Variants in RGS1 observed in about 807,000 individuals in gnomAD.
RGS1 encodes regulator of G protein signaling 1.
Under a neutral mutation model 22.2 loss-of-function variants are expected in RGS1, and 11 were observed. The ratio of observed to expected loss-of-function variants is 0.50; its 90% CI spans 0.31 to 0.82. RGS1 has a LOEUF of 0.82. Among genes scored for constraint, RGS1 ranks in the 40% least tolerant of loss-of-function variants. The pLI, the probability that RGS1 is intolerant of heterozygous loss-of-function variation, is 0.04. For synonymous variants in RGS1, 81 were observed against 79.9 expected (o/e 1.01, Z -0.07); for missense variants, 255 against 245.8 (o/e 1.04, Z -0.25).
chr1:192,577,658 T>C lies in RGS1; in HGVS notation c.281-564T>C, dbSNP rs41265197. On this transcript the variant is annotated intron_variant, in intron 3 of 4. Transcript: ENST00000367459. Reference sequence around the variant, plus strand: ...CTAGCTCAGCTGACTTTGTTTATAATTCAGCTAAACAAATAAATGGTATAG... The same window carrying C: ...CTAGCTCAGCTGACTTTGTTTATAACTCAGCTAAACAAATAAATGGTATAG... 1,114 of 154,022 alleles carry C rather than the reference T, an allele frequency of 7.2e-3. 10 individuals carry two copies. The highest frequency in any genetic ancestry group is 8.2e-3 in the Non-Finnish European group (570 of 69,174). The allele number at this position is 154,022 out of a possible 1,614,324, so 9.5% of individuals were successfully genotyped here.
In RGS1 at chr1:192,579,362, C is replaced by G. The variant is rs186196699; in HGVS notation, c.*40C>G. 11 of 1,595,880 alleles carry G rather than the reference C, an allele frequency of 6.9e-6. No individual in the cohort carries two copies. In the South Asian group the frequency reaches 1.2e-4, roughly 18 times the overall value. Reference sequence around the variant, plus strand: ...AAGGGAATTAACAGATAGTATCAAGCGCAGAAGGAATGTGCCAGTATGGCT... The same window carrying G: ...AAGGGAATTAACAGATAGTATCAAGGGCAGAAGGAATGTGCCAGTATGGCT... On this transcript the variant is annotated 3_prime_UTR_variant, in exon 5 of 5. Coordinates refer to ENST00000367459, the MANE Select transcript of RGS1 (RefSeq NM_002922.4).
intron 3 of RGS1, chr1:192,577,134 A>C (rs545380345): frequency 3.5e-6 from 1 of 288,026 alleles, no homozygotes; most frequent in African/African-American, 2.2e-5. Context: ...AAGTAAGCCA[A>C]ATATTTTAAT....
In RGS1 at chr1:192,576,435, C is replaced by T. The variant is rs573246885; in HGVS notation, c.218+70C>T. ...AAGCCTATGCATTATCTCTATATCC[C>T]AGCAAGGGATAAATACTGCGCACAG... On this transcript the variant is annotated intron_variant, in intron 2 of 4. Transcript: ENST00000367459. 1.8e-5 allele frequency: 20 copies of T among 1,139,802 alleles called. No individual in the cohort carries two copies. The Admixed American group carries it at 2.2e-4, about 13-fold the overall frequency. The allele number at this position is 1,139,802 out of a possible 1,614,324, so 70.6% of individuals were successfully genotyped here.
chr1:192,579,427 AGG>A lies in RGS1; in HGVS notation c.*106_*107del. 1.0e-6 allele frequency: 1 copy of A among 987,576 alleles called. No individual in the cohort carries two copies. Among genetic ancestry groups the A allele is most frequent in the Non-Finnish European group, 1.5e-6 (1 of 656,034 alleles). 61.2% of individuals were successfully genotyped at this position (987,576 alleles called of 1,614,324 possible). A position where few individuals can be genotyped will look rare whatever the true frequency, so the allele number is the denominator to read the frequency against. On this transcript the variant is annotated 3_prime_UTR_variant, in exon 5 of 5. Coordinates refer to ENST00000367459, the MANE Select transcript of RGS1 (RefSeq NM_002922.4). ...CTTGGCCTTTTTTGGGTGTCTTGAC[AGG>A]CCAAGAAGAACAAATGACTCAGAAT...
chr1:192,576,276 C>T lies in RGS1; in HGVS notation c.138-9C>T. On this transcript the variant is annotated splice_polypyrimidine_tract_variant and intron_variant, in intron 1 of 4. Transcript: ENST00000367459. The stretch of plus-strand genomic sequence containing the variant: ...GAAATATGAATATTCACTTTTATGT[C>T]TTTTGTAGTGGAATGGATATGAAAG... 6.3e-7 allele frequency: 1 copy of T among 1,579,700 alleles called. No homozygotes were observed. The highest frequency in any genetic ancestry group is 8.7e-7 in the Non-Finnish European group (1 of 1,152,480).
At chr1:192,579,109 T>C (rs1401872548) in intron 4 of RGS1, 28 bp from the exon 5 acceptor site, 1 of 1,594,090 alleles carries the variant, frequency 6.3e-7, no homozygotes, top group Admixed American at 1.8e-5. Flanking sequence ...GAAAAGTATA[T>C]ATTAGCTAAC....
intron 4 of RGS1, 63 bp from the exon 5 acceptor site, chr1:192,579,072 CAG>C: frequency 6.7e-7 from 1 of 1,487,520 alleles, no homozygotes; most frequent in Non-Finnish European, 9.1e-7. Context: ...TTTCAAAAAA[CAG>C]TAACATCATA....
Position 192,578,281 on chromosome 1 carries a change from T to C in RGS1, c.340T>C (p.Phe114Leu), listed in dbSNP as rs373786419. 2 of 1,613,074 alleles carry C rather than the reference T, an allele frequency of 1.2e-6. No individual in the cohort carries two copies. Among genetic ancestry groups the C allele is most frequent in the Non-Finnish European group, 8.5e-7 (1 of 1,179,394 alleles). ...KSEFSEENIEFWLACEDYKKT... is the reference protein window; with the variant it reads ...KSEFSEENIELWLACEDYKKT... ...TGAATTCAGTGAGGAGAATATTGAGTTCTGGCTGGCTTGTGAAGACTATAA... is the reference window on the plus strand; with the variant it reads ...TGAATTCAGTGAGGAGAATATTGAGCTCTGGCTGGCTTGTGAAGACTATAA... The change falls in exon 4 of 5, where the codon TTC becomes CTC. Residue 114 changes from phenylalanine to leucine, a missense_variant. Coordinates refer to ENST00000367459, the MANE Select transcript of RGS1 (RefSeq NM_002922.4).
intron 2 of RGS1, 103 bp from the exon 3 acceptor site, chr1:192,576,671 C>G: frequency 1.0e-6 from 1 of 964,688 alleles, no homozygotes; most frequent in Non-Finnish European, 1.5e-6. Flanking sequence ...ATTAGAACTA[C>G]AGTTTCAGTT....
At chr1:192,577,455 G>A (rs1662081309) in intron 3 of RGS1, 1 of 151,994 alleles carries the variant, frequency 6.6e-6, no homozygotes, top group South Asian at 2.1e-4. Flanking sequence ...GATGAGAGAA[G>A]GTAAAGAATG....
rs1167284743 is a variant in RGS1, at chr1:192,578,340, A to G, written c.399A>G (p.Ala133=). The G allele has an allele frequency of 6.2e-7, 1 of 1,613,206 alleles. No individual in the cohort carries two copies. Among genetic ancestry groups the G allele is most frequent in the East Asian group, 2.2e-5 (1 of 44,840 alleles). ...KTESDLLPCK[A]EEIYKAFVHS... Reference sequence around the variant, plus strand: ...AGTCTGATCTTTTGCCCTGTAAAGCAGAAGAGATATATAAAGCATTTGTGC... The same window carrying G: ...AGTCTGATCTTTTGCCCTGTAAAGCGGAAGAGATATATAAAGCATTTGTGC... The change falls in exon 4 of 5, where the codon GCA becomes GCG. Residue 133 remains alanine (A), a synonymous_variant. Transcript: ENST00000367459.
In RGS1 at chr1:192,576,360, G is replaced by A; in HGVS notation, c.213G>A (p.Lys71=). The change falls in exon 2 of 5, where the codon AAG becomes AAA. Residue 71 remains lysine (K), a synonymous_variant. Transcript: ENST00000367459. ...LESGMKSSKS[K]DVLSAAEVMQ... ...CTGGAATGAAATCTTCCAAGTCCAA[G>A]GATGTGTAAGTACACTAATACACTA... The A allele has an allele frequency of 6.2e-7, 1 of 1,602,792 alleles. No individual in the cohort carries two copies. Among genetic ancestry groups the A allele is most frequent in the Non-Finnish European group, 8.5e-7 (1 of 1,170,312 alleles).
At chr1:192,578,161 TATTC>T in intron 3 of RGS1, 57 bp from the exon 4 acceptor site, 1 of 1,539,522 alleles carries the variant, frequency 6.5e-7, no homozygotes, top group Non-Finnish European at 8.7e-7. Flanking sequence ...TTCTTCAAAT[TATTC>T]ATTTGTTGGT....
In RGS1 at chr1:192,579,675, A is replaced by G. The variant is rs2102320966; in HGVS notation, c.*353A>G. On this transcript the variant is annotated 3_prime_UTR_variant, in exon 5 of 5. Coordinates refer to ENST00000367459, the MANE Select transcript of RGS1 (RefSeq NM_002922.4). ...GATTACAACAGACTGTAAGAATCAA[A>G]GTCAACTGACATCTATGCTACATAT... is the stretch of plus-strand genomic sequence containing the variant. 5.2e-6 allele frequency: 1 copy of G among 191,554 alleles called. No individual in the cohort carries two copies. The highest frequency in any genetic ancestry group is 1.1e-5 in the Non-Finnish European group (1 of 94,668). The allele number at this position is 191,554 out of a possible 1,614,324, so 11.9% of individuals were successfully genotyped here. A position where few individuals can be genotyped will look rare whatever the true frequency, so the allele number is the denominator to read the frequency against.
At position 192,575,932 on chromosome 1, in the gene RGS1, A is replaced by C; in HGVS notation, c.137+3A>C. 1.2e-6 allele frequency: 2 copies of C among 1,612,702 alleles called. No individual in the cohort carries two copies. Among genetic ancestry groups the C allele is most frequent in the Non-Finnish European group, 1.7e-6 (2 of 1,179,190 alleles). ...CAAAAAAGGAGGCCAAAGACTTTGT[A>C]AGTTTGTTCAGAGTCTCACTTTGTG... On this transcript the variant is annotated splice_donor_region_variant and intron_variant, in intron 1 of 4. Transcript: ENST00000367459.
chr1:192,576,697 G>T, intron 2 of RGS1, 77 bp from the exon 3 acceptor site: 1 of 1,234,866 alleles, frequency 8.1e-7, no homozygotes. Context: ...AGTTATCAAA[G>T]TGTAACAGCC....
At chr1:192,576,476 T>C (rs1489034793) in intron 2 of RGS1, 111 bp downstream of exon 2, 6 of 753,786 alleles carry the variant, frequency 8.0e-6, no homozygotes, top group African/African-American at 7.1e-5. Context: ...TTCATTTCTT[T>C]TAAGTAACAT....
At chr1:192,577,204 C>T (rs1174892898) in intron 3 of RGS1, 2 of 181,832 alleles carry the variant, frequency 1.1e-5, no homozygotes, top group Admixed American at 1.2e-4. Flanking sequence ...TTGGATGTAA[C>T]AAGTATGATT....
Position 192,578,210 on chromosome 1 carries a change from G to T in RGS1, c.281-12G>T. On this transcript the variant is annotated splice_polypyrimidine_tract_variant and intron_variant, in intron 3 of 4. Transcript: ENST00000367459. The stretch of plus-strand genomic sequence containing the variant: ...TTAATTATCTCCCCACCCACCCCTC[G>T]TTTCTTTTTAGCTGGTCAAAATGTC... The T allele has an allele frequency of 6.3e-7, 1 of 1,596,144 alleles. No homozygotes were observed. The highest frequency in any genetic ancestry group is 1.1e-5 in the South Asian group (1 of 87,570).
Sources: gnomAD v4.1 joint callset for allele counts on GRCh38, gnomAD v4.1.1 for gene constraint, MANE v1.5 for transcripts, NCBI Gene and HGNC (gene_info 2026-07-23, HGNC 2026-07-21) for gene names.